Variants in DLC1 observed in about 807,000 individuals in gnomAD.
DLC1 encodes the protein rho GTPase-activating protein 7.
Under a neutral mutation model 140.3 loss-of-function variants are expected in DLC1, and 54 were observed. The observed-to-expected ratio is 0.38, with a 90% CI of 0.31 to 0.48. The LOEUF (loss-of-function observed/expected upper bound fraction) is 0.48. Among genes scored for constraint, DLC1 ranks in the 20% least tolerant of loss-of-function variants. The pLI is 0.96. For synonymous variants in DLC1, 986 were observed against 728.1 expected, an observed-to-expected ratio of 1.35 and a Z score of -5.70; for missense variants, 2,536 against 1,907.0, an observed-to-expected ratio of 1.33 and a Z score of -6.14.
At chr8:13,380,564 A>G (rs1257974843) in intron 4 of DLC1, among the ~76,000 whole-genome samples, 1 of 152,178 alleles carries the variant, frequency 6.6e-6, no homozygotes, top group Non-Finnish European at 1.5e-5. Flanking sequence ...CCATTTAAAT[A>G]TAGTATTAAT....
chr8:13,339,101 A>G (rs1833927438), intron 4 of DLC1, among the ~76,000 whole-genome samples: 1 of 152,248 alleles, frequency 6.6e-6, no homozygotes, highest in Non-Finnish European at 1.5e-5. Context: ...TAATGAATTA[A>G]TTAACTGAAT....
chr8:13,338,784 A>G (rs1172493562), intron 4 of DLC1: 2 of 152,190 alleles, frequency 1.3e-5, no homozygotes, highest in African/African-American at 2.4e-5. Flanking sequence ...GCGACATGGA[A>G]TCTTCAGCTT....
At chr8:13,539,586 C>A (rs1196279974) in intron 1 of DLC1, among the ~76,000 whole-genome samples, 1 of 152,150 alleles carries the variant, frequency 6.6e-6, no homozygotes, top group Non-Finnish European at 1.5e-5. Flanking sequence ...TTTTTCCAAT[C>A]TACCCCTTGA....
At chr8:13,416,970 G>A (rs577056103) in intron 2 of DLC1, among the ~76,000 whole-genome samples, 2 of 151,940 alleles carry the variant, frequency 1.3e-5, no homozygotes, top group East Asian at 3.9e-4. Flanking sequence ...TACTCGTATT[G>A]TGCTGGTAAG....
chr8:13,173,935 G>A (rs1283192770), intron 5 of DLC1, among the ~76,000 whole-genome samples: 10 of 152,068 alleles, frequency 6.6e-5, no homozygotes, highest in Admixed American at 3.3e-4. Context: ...TGATGCTGAG[G>A]TTTGGGGTAT....
chr8:13,303,949 T>C (rs2117514082), intron 5 of DLC1, among the ~76,000 whole-genome samples: 1 of 152,326 alleles, frequency 6.6e-6, no homozygotes, highest in African/African-American at 2.4e-5. Context: ...CCATGGCATT[T>C]CCATTCCTTC....
In DLC1 at chr8:13,265,664, T is replaced by C. The variant is rs563740182; in HGVS notation, c.1348+39605A>G. On this transcript the variant is annotated intron_variant, in intron 5 of 17. Transcript: ENST00000276297. Reference sequence around the variant, plus strand: ...TCCTTCATAGGCTGTGGGTTTTTTTTCCTTCCCTTCTTCCTTCTCTTCTTC... The same window carrying C: ...TCCTTCATAGGCTGTGGGTTTTTTTCCCTTCCCTTCTTCCTTCTCTTCTTC... Among the ~76,000 whole-genome samples, 9 of 152,078 alleles carry C rather than the reference T, an allele frequency of 5.9e-5. No homozygotes were observed. The South Asian group carries it at 1.9e-3, about 32-fold the overall frequency.
At chr8:13,398,238 G>A (rs929534511) in intron 3 of DLC1, among the ~76,000 whole-genome samples, 3 of 152,060 alleles carry the variant, frequency 2.0e-5, no homozygotes, top group Admixed American at 1.3e-4. Flanking sequence ...GAAGGGATGA[G>A]CTAGAGCAAT....
chr8:13,579,336 TATATATATATATATATA>T lies in DLC1; in HGVS notation c.-126+25184_-126+25200del, dbSNP rs1804968601. The stretch of plus-strand genomic sequence containing the variant: ...GACTTTATATATATATATATATATA[TATATATATATATATATA>T]TATATATATTTTTATATAATACATA... On this transcript the variant is annotated intron_variant, in intron 1 of 1. Transcript: ENST00000631382. Among the ~76,000 whole-genome samples the T allele has an allele frequency of 9.9e-5, 2 of 20,256 alleles. 1 individual carries two copies. Among genetic ancestry groups the T allele is most frequent in the Non-Finnish European group, 1.9e-4 (2 of 10,386 alleles). 13.3% of individuals were successfully genotyped at this position (20,256 alleles called of 152,430 possible).
intron 5 of DLC1, among the ~76,000 whole-genome samples, chr8:13,289,371 T>C (rs1228551858): frequency 6.6e-6 from 1 of 152,176 alleles, no homozygotes; most frequent in Non-Finnish European, 1.5e-5. Context: ...AATTTTTTTT[T>C]CATAGAGTTG....
intron 5 of DLC1, among the ~76,000 whole-genome samples, chr8:13,143,980 C>T (rs1051649930): frequency 3.9e-5 from 6 of 152,246 alleles, no homozygotes; most frequent in African/African-American, 9.6e-5. Flanking sequence ...CTGCAGCGGC[C>T]GGAGAGACCC....
At chr8:13,555,474 G>A (rs1418054394) in intron 1 of DLC1, among the ~76,000 whole-genome samples, 2 of 151,950 alleles carry the variant, frequency 1.3e-5, no homozygotes, top group Non-Finnish European at 2.9e-5. Flanking sequence ...TTTTATGTTT[G>A]TAGCTTTTTA....
chr8:13,541,349 C>T (rs921047781), intron 1 of DLC1, among the ~76,000 whole-genome samples: 2 of 151,562 alleles, frequency 1.3e-5, no homozygotes, highest in African/African-American at 4.9e-5. Context: ...ATGATAAGTG[C>T]ATATTTAATT....
At position 13,231,742 on chromosome 8, in the gene DLC1, A is replaced by C. The variant is rs1329713685; in HGVS notation, c.1348+73527T>G. Among the ~76,000 whole-genome samples the C allele has an allele frequency of 3.3e-5, 5 of 152,250 alleles. No homozygotes were observed. In the South Asian group the frequency reaches 6.2e-4, roughly 19 times the overall value. The stretch of plus-strand genomic sequence containing the variant: ...AAGGCATACATTATTGAGCACAGCG[A>C]TGTGATCAGATTAGTTTTAAAATGT... On this transcript the variant is annotated intron_variant, in intron 5 of 17. Coordinates refer to ENST00000276297, the MANE Select transcript of DLC1 (RefSeq NM_182643.3).
At chr8:13,180,644 A>T (rs537294900) in intron 5 of DLC1, among the ~76,000 whole-genome samples, 1 of 152,070 alleles carries the variant, frequency 6.6e-6, no homozygotes, top group East Asian at 1.9e-4. Context: ...CACTAAATCA[A>T]TGTAATCACA....
chr8:13,541,421 A>G lies in DLC1; in HGVS notation c.-125-41225T>C, dbSNP rs185429779. On this transcript the variant is annotated intron_variant, in intron 1 of 1. Coordinates refer to the DLC1 transcript ENST00000631382. Reference sequence around the variant, plus strand: ...ACTATTTTTCATACCCAGCAACAACAATCTCTGAGAGATCCACTTGCTCTA... The same window carrying G: ...ACTATTTTTCATACCCAGCAACAACGATCTCTGAGAGATCCACTTGCTCTA... Among the ~76,000 whole-genome samples the G allele has an allele frequency of 5.9e-5, 9 of 152,300 alleles. No homozygotes were observed. In the East Asian group the frequency reaches 1.7e-3, roughly 29 times the overall value.
chr8:13,585,439 A>G (rs1805266399), intron 1 of DLC1, among the ~76,000 whole-genome samples: 1 of 152,226 alleles, frequency 6.6e-6, no homozygotes, highest in South Asian at 2.1e-4. Flanking sequence ...AATTAAAAAC[A>G]GATACATGGC....
chr8:13,436,534 A>G (rs990827622), intron 2 of DLC1, among the ~76,000 whole-genome samples: 13 of 152,126 alleles, frequency 8.5e-5, no homozygotes, highest in Non-Finnish European at 1.8e-4. Context: ...TTAAAATGTC[A>G]TTGTCCGGAC....
chr8:13,401,571 G>A lies in DLC1; in HGVS notation c.1072C>T (p.Leu358=). ...TCAAGCTGGTCCAGTTTCATAATCA[G>A]CAGCACCATGGAGTCCAGCCGCGCC... The part of the protein sequence containing the change: ...DRARLDSMVL[L]IMKLDQLDQD... Residue 358 remains leucine (L), a synonymous_variant, in exon 3 of 18, where the codon CTG becomes TTG. Coordinates refer to ENST00000276297, the MANE Select transcript of DLC1 (RefSeq NM_182643.3). 6.2e-7 allele frequency: 1 copy of A among 1,613,776 alleles called. No homozygotes were observed. The highest frequency in any genetic ancestry group is 8.5e-7 in the Non-Finnish European group (1 of 1,179,972).
Sources: gnomAD v4.1 joint callset for allele counts (sites outside exome capture counted in the v4.1 genomes callset) on GRCh38, gnomAD v4.1.1 for gene constraint, MANE v1.5 for transcripts, NCBI Gene and HGNC (gene_info 2026-07-23, HGNC 2026-07-21) for gene names.